Variants in KDM4B observed in about 807,000 individuals in gnomAD.
KDM4B encodes lysine-specific demethylase 4B.
KDM4B carries 32 observed loss-of-function variants against 125.2 expected under a neutral mutation model. The observed-to-expected ratio is 0.26, with a 90% confidence interval of 0.19 to 0.34. The LOEUF is 0.34. Ranked by LOEUF, KDM4B falls within the 10% of genes least tolerant of loss-of-function variation. The probability of loss-of-function intolerance (pLI) is 1.00; values close to 1 mark genes in which losing one functional copy is unlikely to be tolerated. For missense variants in KDM4B, 1,190 were observed against 1,577.7 expected, an observed-to-expected ratio of 0.75 and a Z score of 4.16; for synonymous variants, 721 against 677.9, an observed-to-expected ratio of 1.06 and a Z score of -0.99.
chr19:5,133,809 C>G, intron 13 of KDM4B, 74 bp from the exon 14 acceptor site: 2 of 1,504,950 alleles, frequency 1.3e-6, no homozygotes, highest in Non-Finnish European at 9.2e-7. Flanking sequence ...ATCCCCTGGG[C>G]AGTTGGGGTG....
intron 9 of KDM4B, among the ~76,000 whole-genome samples, chr19:5,103,792 C>T (rs1162826890): frequency 6.6e-6 from 1 of 152,248 alleles, no homozygotes; most frequent in Non-Finnish European, 1.5e-5. Context: ...AGCCCCGAGC[C>T]CAGGGGGCCT....
chr19:5,033,522 A>G (rs186431956), intron 3 of KDM4B, among the ~76,000 whole-genome samples: 85 of 150,318 alleles, frequency 5.7e-4, no homozygotes, highest in South Asian at 1.1e-3. Flanking sequence ...AGAGGCTGCA[A>G]TGAGCTATGA....
Position 5,110,718 on chromosome 19 carries a change from C to T in KDM4B, c.1015C>T (p.Leu339Phe). The T allele has an allele frequency of 6.2e-7, 1 of 1,612,860 alleles. No homozygotes were observed. The highest frequency in any genetic ancestry group is 8.5e-7 in the Non-Finnish European group (1 of 1,179,838). The change falls in exon 10 of 23, where the codon CTC (leucine) becomes TTC (phenylalanine). Residue 339 changes from leucine (L) to phenylalanine (F), a missense_variant. Leu to Phe is a conservative substitution (Grantham distance 22). Transcript: ENST00000159111. ...RYELWKQGKD[L>F]TVLDHTRPTA... ...CGAGCTGTGGAAGCAGGGCAAGGAC[C>T]TCACGGTGCTGGACCACACGCGGCC...
intron 21 of KDM4B, 111 bp downstream of exon 21, chr19:5,145,013 G>C (rs567168845): frequency 3.5e-6 from 5 of 1,440,102 alleles, no homozygotes; most frequent in Non-Finnish European, 4.8e-6. Context: ...GGGCACTGGC[G>C]GGTGTGGGCC....
chr19:5,041,075 A>T, intron 4 of KDM4B, 62 bp from the exon 5 acceptor site: 1 of 1,108,750 alleles, frequency 9.0e-7, no homozygotes, highest in Non-Finnish European at 1.3e-6. Flanking sequence ...CAGGTGGCTG[A>T]GGGTGGGCTG....
intron 18 of KDM4B, chr19:5,140,720 G>C (rs2039726348): frequency 6.6e-6 from 1 of 150,668 alleles, no homozygotes; most frequent in Non-Finnish European, 1.5e-5. Context: ...GGGCGACAGA[G>C]TAAGACTCTG....
intron 3 of KDM4B, among the ~76,000 whole-genome samples, chr19:5,038,388 G>A (rs1322317218): frequency 2.0e-5 from 3 of 152,228 alleles, no homozygotes; most frequent in Non-Finnish European, 2.9e-5. Context: ...AGGGTGAGGC[G>A]TGTACTCCGG....
chr19:5,062,043 C>G (rs1476260164), intron 6 of KDM4B, among the ~76,000 whole-genome samples: 3 of 152,216 alleles, frequency 2.0e-5, no homozygotes, highest in African/African-American at 7.2e-5. Flanking sequence ...CCCATGGGGC[C>G]TGCACCTGCT....
rs1158212734 is a variant in KDM4B, at chr19:5,035,938, C to T, written c.141+2907C>T. On this transcript the variant is annotated intron_variant, in intron 3 of 22. Coordinates refer to ENST00000159111, the MANE Select transcript of KDM4B (RefSeq NM_015015.3). This position sits in a 1 kb window ranked among gnomAD's most constrained non-coding sequence, Gnocchi z 5.3. ...CTGAGGTGGGGAGGCAGCTCTCACA[C>T]AGCCCAGAGAGCTTGGCAGCTGCAG... Among the ~76,000 whole-genome samples the T allele has an allele frequency of 6.6e-6, 1 of 151,562 alleles. No individual in the cohort carries two copies. The highest frequency in any genetic ancestry group is 6.6e-5 in the Admixed American group (1 of 15,232).
At position 5,105,313 on chromosome 19, in the gene KDM4B, A is replaced by G. The variant is rs373966032; in HGVS notation, c.919-5309A>G. ...GGACTGCTGCCCATGTCTGCAACAGACACACCTGCGATTGCTCCCAGAGTG... is the reference window on the plus strand; with the variant it reads ...GGACTGCTGCCCATGTCTGCAACAGGCACACCTGCGATTGCTCCCAGAGTG... On this transcript the variant is annotated intron_variant, in intron 9 of 22. Transcript: ENST00000159111. 5.3e-5 allele frequency among the ~76,000 whole-genome samples: 8 copies of G among 152,358 alleles called. 1 individual carries two copies. Among genetic ancestry groups the G allele is most frequent in the African/African-American group, 1.9e-4 (8 of 41,592 alleles).
intron 7 of KDM4B, among the ~76,000 whole-genome samples, chr19:5,073,168 T>A (rs187483061): frequency 1.3e-5 from 2 of 152,322 alleles, no homozygotes; most frequent in Admixed American, 1.3e-4. Context: ...GTCCCAGGGG[T>A]TAGCATGTGG....
At chr19:5,136,135 C>T (rs2039644481) in intron 15 of KDM4B, among the ~76,000 whole-genome samples, 1 of 152,232 alleles carries the variant, frequency 6.6e-6, no homozygotes. Context: ...GACAGTTCTG[C>T]CGAGTCTTCT....
In KDM4B at chr19:5,105,485, T is replaced by C. The variant is rs188237719; in HGVS notation, c.919-5137T>C. On this transcript the variant is annotated intron_variant, in intron 9 of 22. Transcript: ENST00000159111. ...TCTCAGTCTGTCGCCCGGGCTGGAG[T>C]GCTGTGGCATGATCACAGCTCACTG... 1.0e-3 allele frequency among the ~76,000 whole-genome samples: 154 copies of C among 152,286 alleles called. 1 individual carries two copies. The highest frequency in any genetic ancestry group is 3.2e-3 in the African/African-American group (134 of 41,544).
At chr19:4,995,762 A>C (rs1466005031) in intron 1 of KDM4B, among the ~76,000 whole-genome samples, 1 of 151,634 alleles carries the variant, frequency 6.6e-6, no homozygotes, top group South Asian at 2.1e-4. Flanking sequence ...GCTCCCTTTA[A>C]ATACTCGTTG....
chr19:5,022,328 C>T (rs1422166514), intron 2 of KDM4B, among the ~76,000 whole-genome samples: 1 of 152,172 alleles, frequency 6.6e-6, no homozygotes. Flanking sequence ...TTCCTCACAC[C>T]ACCTCTCTTG....
At position 5,011,572 on chromosome 19, in the gene KDM4B, C is replaced by T. The variant is rs555170379; in HGVS notation, c.-108-4685C>T. Among the ~76,000 whole-genome samples, 8 of 152,346 alleles carry T rather than the reference C, an allele frequency of 5.3e-5. 2 individuals are homozygous for T. The highest frequency in any genetic ancestry group is 1.9e-4 in the African/African-American group (8 of 41,592). On this transcript the variant is annotated intron_variant, in intron 1 of 22. Coordinates refer to ENST00000159111, the MANE Select transcript of KDM4B (RefSeq NM_015015.3). ...TGTCCCTTTTGAAGGCCACCTGGGG[C>T]TTGTGGCCGTGGGAGAGGCAGGCAG...
rs751438383 is a variant in KDM4B at position 5,082,607 on chromosome 19, C to T, written c.918+103C>T. On this transcript the variant is annotated intron_variant, in intron 9 of 22. Coordinates refer to ENST00000159111, the MANE Select transcript of KDM4B (RefSeq NM_015015.3). The surrounding 1 kb of genome is among the most constrained non-coding windows in gnomAD (Gnocchi z 5.4). ...TAGCTGGTCCAGCAGCCGTTTCGCTCAGCCCAGGGCCTGGGCTCTCAACCA... is the reference window on the plus strand; with the variant it reads ...TAGCTGGTCCAGCAGCCGTTTCGCTTAGCCCAGGGCCTGGGCTCTCAACCA... 6.1e-6 allele frequency: 8 copies of T among 1,305,880 alleles called. No individual in the cohort carries two copies. Among genetic ancestry groups the T allele is most frequent in the Non-Finnish European group, 7.2e-6 (7 of 966,744 alleles). The allele number at this position is 1,305,880 out of a possible 1,614,324, so 80.9% of individuals were successfully genotyped here.
intron 1 of KDM4B, among the ~76,000 whole-genome samples, chr19:4,973,720 G>C (rs552766900): frequency 6.6e-6 from 1 of 151,910 alleles, no homozygotes; most frequent in African/African-American, 2.4e-5. Context: ...CCCTTGAGGA[G>C]CTCGGAAAAT....
chr19:5,004,051 G>A (rs984748470), intron 1 of KDM4B, among the ~76,000 whole-genome samples: 7 of 152,202 alleles, frequency 4.6e-5, no homozygotes, highest in African/African-American at 1.7e-4. Flanking sequence ...GCATTTCTCT[G>A]TGTACTTTGG....
Sources: allele counts gnomAD v4.1 joint callset (sites outside exome capture counted in the v4.1 genomes callset), GRCh38; gene constraint gnomAD v4.1.1; non-coding constraint Gnocchi (gnomAD v3.1); transcripts MANE v1.5; gene names NCBI Gene and HGNC (gene_info 2026-07-23, HGNC 2026-07-21).